Variants in GNPTG observed in about 807,000 individuals in gnomAD.
GNPTG encodes N-acetylglucosamine-1-phosphate transferase subunit gamma, also known as N-acetylglucosamine-1-phosphotransferase subunit gamma.
A neutral mutation model predicts 43.8 loss-of-function variants in GNPTG; 46 were observed. The ratio of observed to expected loss-of-function variants is 1.05; its 90% CI spans 0.83 to 1.34. GNPTG has a LOEUF of 1.34. Among genes scored for constraint, GNPTG ranks in the 40% most tolerant of loss-of-function variants. GNPTG has a pLI of 0.00. For synonymous variants in GNPTG, 250 were observed against 172.8 expected, an observed-to-expected ratio of 1.45 and a Z score of -3.50; for missense variants, 549 against 411.3, an observed-to-expected ratio of 1.33 and a Z score of -2.90.
intron 3 of GNPTG, chr16:1,361,430 G>A (rs968523920): frequency 1.1e-5 from 4 of 368,720 alleles, no homozygotes; most frequent in East Asian, 1.3e-4. Context: ...GGATCACGAG[G>A]TCAGGAGATC....
intron 3 of GNPTG, among the ~76,000 whole-genome samples, chr16:1,356,429 A>C (rs1018030223): frequency 1.2e-4 from 18 of 152,172 alleles, no homozygotes; most frequent in African/African-American, 3.6e-4. Context: ...TGTCTGGCCC[A>C]AGAGGCGTGG....
At chr16:1,362,009 C>T in intron 5 of GNPTG, 29 bp from the exon 6 acceptor site, 1 of 1,612,804 alleles carries the variant, frequency 6.2e-7, no homozygotes, top group East Asian at 2.2e-5. Context: ...CCCCACCCGG[C>T]CTCACGTGCC....
In GNPTG at chr16:1,361,969, G is replaced by C. The variant is rs752300611; in HGVS notation, c.317+14G>C. On this transcript the variant is annotated intron_variant, in intron 5 of 10. Coordinates refer to ENST00000204679, the MANE Select transcript of GNPTG (RefSeq NM_032520.5). The stretch of plus-strand genomic sequence containing the variant: ...TGGGATCCTCGGGTGAGTGGGGCCG[G>C]GGCAGGGATCCCAAAGCAGCAGCGC... The C allele has an allele frequency of 6.2e-7, 1 of 1,613,374 alleles. No individual in the cohort carries two copies. Among genetic ancestry groups the C allele is most frequent in the South Asian group, 1.1e-5 (1 of 91,084 alleles).
At chr16:1,355,036 C>T (rs1443151612) in intron 3 of GNPTG, among the ~76,000 whole-genome samples, 2 of 151,074 alleles carry the variant, frequency 1.3e-5, no homozygotes, top group Admixed American at 6.6e-5. Flanking sequence ...CCCGCATGTG[C>T]GGGGTCGGGT....
chr16:1,355,881 G>T (rs887736574), intron 3 of GNPTG, among the ~76,000 whole-genome samples: 4 of 152,092 alleles, frequency 2.6e-5, no homozygotes, highest in African/African-American at 9.7e-5. Flanking sequence ...TTTCGGCTGG[G>T]GCCGGGCTGG....
intron 3 of GNPTG, among the ~76,000 whole-genome samples, chr16:1,355,808 A>G (rs1202535037): frequency 6.6e-6 from 1 of 151,848 alleles, no homozygotes; most frequent in African/African-American, 2.4e-5. Context: ...GATCCTGGCT[A>G]GAGAAGCCAT....
At chr16:1,355,202 C>G (rs1249589774) in intron 3 of GNPTG, among the ~76,000 whole-genome samples, 4 of 151,732 alleles carry the variant, frequency 2.6e-5, no homozygotes, top group African/African-American at 9.7e-5. Context: ...TCTGTGGGGT[C>G]GGGTGTGGAT....
intron 3 of GNPTG, among the ~76,000 whole-genome samples, chr16:1,359,217 G>A (rs1020423823): frequency 2.0e-5 from 3 of 152,124 alleles, no homozygotes; most frequent in African/African-American, 7.2e-5. Flanking sequence ...TACGTGGTTT[G>A]CCAGTGTTTA....
At chr16:1,360,024 G>T (rs938733884) in intron 3 of GNPTG, among the ~76,000 whole-genome samples, 1 of 152,054 alleles carries the variant, frequency 6.6e-6, no homozygotes, top group South Asian at 2.1e-4. Context: ...CGGGAAAATC[G>T]GTTGAACCCA....
rs1259752416 is a variant in GNPTG, at chr16:1,361,559, G to A, written c.179-184G>A. ...CTTGGGAGGCTGAGGCAGGAGAATG[G>A]CGTGAACATGGGAGGCGGAGCTTGA... On this transcript the variant is annotated intron_variant, in intron 3 of 10. Transcript: ENST00000204679. 5 of 625,610 alleles carry A rather than the reference G, an allele frequency of 8.0e-6. No individual in the cohort carries two copies. The Admixed American group carries it at 9.4e-5, about 12-fold the overall frequency. 38.8% of individuals were successfully genotyped at this position (625,610 alleles called of 1,614,324 possible).
At position 1,362,076 on chromosome 16, in the gene GNPTG, C is replaced by T. The variant is rs1471071549; in HGVS notation, c.356C>T (p.Thr119Met). ...TGGGAGATCGCCAACAACACCTTCA[C>T]GGGCATGTGGATGAGGGACGGTGAC... is the stretch of plus-strand genomic sequence containing the variant. ...HEWEIANNTFTGMWMRDGDAC... is the reference protein window; with the variant it reads ...HEWEIANNTFMGMWMRDGDAC... Residue 119 changes from threonine (T) to methionine (M), a missense_variant, in exon 6 of 11, where the codon ACG becomes ATG. Coordinates refer to ENST00000204679, the MANE Select transcript of GNPTG (RefSeq NM_032520.5). 45 of 1,612,158 alleles carry T rather than the reference C, an allele frequency of 2.8e-5. No homozygotes were observed. Among genetic ancestry groups the T allele is most frequent in the Middle Eastern group, 1.6e-4 (1 of 6,084 alleles).
At chr16:1,359,320 G>GC (rs1244528605) in intron 3 of GNPTG, among the ~76,000 whole-genome samples, 1 of 151,890 alleles carries the variant, frequency 6.6e-6, no homozygotes, top group Non-Finnish European at 1.5e-5. Flanking sequence ...AGGCTGGAGT[G>GC]CAGTAGCACG....
rs773331398 is a variant in GNPTG at position 1,362,825 on chromosome 16, G to T, written c.742G>T (p.Ala248Ser). Residue 248 changes from alanine (A) to serine (S), a missense_variant and splice_region_variant, in exon 10 of 11, where the codon GCT (alanine) becomes TCT (serine). Coordinates refer to ENST00000204679, the MANE Select transcript of GNPTG (RefSeq NM_032520.5). ...GFETLENCRKAHKELSKEIKR... is the reference protein window; with the variant it reads ...GFETLENCRKSHKELSKEIKR... ...CTTGAACTCTTTTTGTGGTTGGTAG[G>T]CTCATAAAGAACTCTCAAAGGAGAT... 6.2e-7 allele frequency: 1 copy of T among 1,613,988 alleles called. No homozygotes were observed. The highest frequency in any genetic ancestry group is 8.5e-7 in the Non-Finnish European group (1 of 1,180,008).
rs2034898267 is a variant in GNPTG at position 1,362,046 on chromosome 16, A to G, written c.326A>G (p.His109Arg). The change falls in exon 6 of 11, where the codon CAC (histidine) becomes CGC (arginine). Residue 109 changes from histidine (H) to arginine (R), a missense_variant. Physicochemically the swap from His to Arg is conservative, Grantham distance 29. Coordinates refer to ENST00000204679, the MANE Select transcript of GNPTG (RefSeq NM_032520.5). The stretch of plus-strand genomic sequence containing the variant: ...TGCCCGTGTCTCCCCAGCATCTGGC[A>G]CGAGTGGGAGATCGCCAACAACACC... The part of the protein sequence containing the change: ...NAYSGILGIW[H>R]EWEIANNTFT... 4.3e-6 allele frequency: 7 copies of G among 1,612,800 alleles called. No individual in the cohort carries two copies. The highest frequency in any genetic ancestry group is 5.9e-6 in the Non-Finnish European group (7 of 1,179,694).
At position 1,363,191 on chromosome 16, in the gene GNPTG, G is replaced by C. The variant is rs1349538869; in HGVS notation, c.*100G>C. Reference sequence around the variant, plus strand: ...CCAGCTGACCAGGCTTGTGCTCAGAGAAGCAGACAAAACAAAGATTCAAGG... The same window carrying C: ...CCAGCTGACCAGGCTTGTGCTCAGACAAGCAGACAAAACAAAGATTCAAGG... On this transcript the variant is annotated 3_prime_UTR_variant, in exon 11 of 11. Transcript: ENST00000204679. The C allele has an allele frequency of 1.0e-6, 1 of 973,654 alleles. No homozygotes were observed. Among genetic ancestry groups the C allele is most frequent in the Non-Finnish European group, 1.6e-6 (1 of 625,308 alleles). 60.3% of individuals were successfully genotyped at this position (973,654 alleles called of 1,614,324 possible).
In GNPTG at chr16:1,361,815, G is replaced by A; in HGVS notation, c.233+18G>A. 6.2e-7 allele frequency: 1 copy of A among 1,613,816 alleles called. No individual in the cohort carries two copies. Among genetic ancestry groups the A allele is most frequent in the Non-Finnish European group, 8.5e-7 (1 of 1,179,956 alleles). On this transcript the variant is annotated intron_variant, in intron 4 of 10. Coordinates refer to ENST00000204679, the MANE Select transcript of GNPTG (RefSeq NM_032520.5). ...GAGTCCACGTGAGTGCAGGGTGGGT[G>A]CGAGGGTGGGCTGGGGCGCAGCCTG...
chr16:1,354,608 A>AAAAAAAAAAAAAC (rs1567180533), intron 3 of GNPTG, among the ~76,000 whole-genome samples: 1 of 149,104 alleles, frequency 6.7e-6, no homozygotes, highest in Non-Finnish European at 1.5e-5. Flanking sequence ...AAAAAAAAAA[A>AAAAAAAAAAAAAC]ACCCATAAAA....
In GNPTG at chr16:1,363,453, C is replaced by T. The variant is rs970870346; in HGVS notation, c.*362C>T. 5.8e-5 allele frequency: 20 copies of T among 343,592 alleles called. No individual in the cohort carries two copies. Among genetic ancestry groups the T allele is most frequent in the African/African-American group, 1.9e-4 (9 of 46,754 alleles). 21.3% of individuals were successfully genotyped at this position (343,592 alleles called of 1,614,324 possible). On this transcript the variant is annotated 3_prime_UTR_variant, in exon 11 of 11. Transcript: ENST00000204679. ...AATTAATCCACTTGAGGCGTCCACG[C>T]GGAACAAGGTCTGCTGACCACAGTT...
chr16:1,352,147 C>A lies in GNPTG; in HGVS notation c.98C>A (p.Pro33His). 1 of 1,580,938 alleles carries A rather than the reference C, an allele frequency of 6.3e-7. No homozygotes were observed. Among genetic ancestry groups the A allele is most frequent in the East Asian group, 2.3e-5 (1 of 43,162 alleles). Residue 33 changes from proline (P) to histidine (H), a missense_variant, in exon 2 of 11, where the codon CCC becomes CAC. Coordinates refer to ENST00000204679, the MANE Select transcript of GNPTG (RefSeq NM_032520.5). ...GAAKMKVVEE[P>H]NAFGVNNPFL... ...GCGAAGATGAAGGTGGTGGAGGAGC[C>A]CAACGCGTTTGGGTGAGCAGCCTCG...
Sources: gnomAD v4.1 joint callset for allele counts (sites outside exome capture counted in the v4.1 genomes callset) on GRCh38, gnomAD v4.1.1 for gene constraint, MANE v1.5 for transcripts, NCBI Gene and HGNC (gene_info 2026-07-23, HGNC 2026-07-21) for gene names.